GPR137: variants seen among roughly 807,000 people sequenced by gnomAD.
GPR137 encodes the protein G protein-coupled receptor 137.
In GPR137, 20 loss-of-function variants were observed where a neutral mutation model predicts 38.9. The ratio of observed to expected loss-of-function variants is 0.51; its 90% CI spans 0.36 to 0.75. GPR137 has a LOEUF of 0.75. Among genes scored for constraint, GPR137 ranks in the 30% least tolerant of loss-of-function variants. The pLI is 0.00. For missense variants in GPR137, 456 were observed against 526.4 expected (o/e 0.87, Z 1.31); for synonymous variants, 226 against 235.8 (o/e 0.96, Z 0.38).
chr11:64,285,918 T>C lies in GPR137; in HGVS notation c.-607T>C. Reference sequence around the variant, plus strand: ...TGAGCCGGCTCTCCCATCAGCGGCCTGAGGACCTGGCGTCCGCCTCCTCCC... The same window carrying C: ...TGAGCCGGCTCTCCCATCAGCGGCCCGAGGACCTGGCGTCCGCCTCCTCCC... On this transcript the variant is annotated 5_prime_UTR_variant, in exon 1 of 7. Transcript: ENST00000438980. 1 of 966,978 alleles carries C rather than the reference T, an allele frequency of 1.0e-6. No individual in the cohort carries two copies. The highest frequency in any genetic ancestry group is 1.2e-6 in the Non-Finnish European group (1 of 813,330). 59.9% of individuals were successfully genotyped at this position (966,978 alleles called of 1,614,324 possible).
Position 64,288,039 on chromosome 11 carries a change from G to A in GPR137, c.634-26G>A. 6.2e-7 allele frequency: 1 copy of A among 1,607,270 alleles called. No homozygotes were observed. On this transcript the variant is annotated intron_variant, in intron 3 of 6. Coordinates refer to ENST00000438980, the MANE Select transcript of GPR137 (RefSeq NM_001170880.2). The surrounding 1 kb of genome is among the most constrained non-coding windows in gnomAD (Gnocchi z 5.5). The stretch of plus-strand genomic sequence containing the variant: ...GAAGCTGGGAGCCTTCTCTCCCTGA[G>A]GGTCCTCTGTTGTTACCTGTGCCAG...
intron 2 of GPR137, chr11:64,287,417 C>T (rs909923856): frequency 2.7e-6 from 2 of 740,202 alleles, no homozygotes; most frequent in East Asian, 1.3e-4. Flanking sequence ...TGAGAGGCTA[C>T]TATCCTCCCT....
chr11:64,284,312 C>T (rs757378259), upstream of GPR137: 65 of 1,612,438 alleles, frequency 4.0e-5, no homozygotes, highest in Non-Finnish European at 5.5e-5. Flanking sequence ...CCAGGCCCCT[C>T]TCTGCAGAGC....
At chr11:64,279,626 C>A (rs951096035), upstream of GPR137, among the ~76,000 whole-genome samples, 3 of 151,726 alleles carry the variant, frequency 2.0e-5, no homozygotes, top group Admixed American at 2.0e-4. Flanking sequence ...ATTAGCTGGG[C>A]ATGGTGCATG....
At chr11:64,283,524 G>A (rs764849891), upstream of GPR137, among the ~76,000 whole-genome samples, 2 of 152,226 alleles carry the variant, frequency 1.3e-5, no homozygotes, top group Non-Finnish European at 2.9e-5. Context: ...AGGACTGTCT[G>A]CCCCTTGAGG....
upstream of GPR137, among the ~76,000 whole-genome samples, chr11:64,275,236 A>G (rs1195676535): frequency 1.3e-5 from 2 of 151,738 alleles, no homozygotes; most frequent in African/African-American, 4.8e-5. Flanking sequence ...GCTCATGCCT[A>G]TAATCCCAGC....
At chr11:64,276,581 C>T (rs1288486825) in intron 2 of GPR137, among the ~76,000 whole-genome samples, 1 of 152,174 alleles carries the variant, frequency 6.6e-6, no homozygotes, top group African/African-American at 2.4e-5. Context: ...AGTGCCTCGG[C>T]CCCCCAAAGT....
chr11:64,284,319 G>A (rs1405832074), upstream of GPR137: 1 of 1,612,742 alleles, frequency 6.2e-7, no homozygotes, highest in Admixed American at 1.7e-5. Context: ...CCTCTCTGCA[G>A]AGCTGGAGTC....
At chr11:64,281,516 C>A (rs1328263842), upstream of GPR137, among the ~76,000 whole-genome samples, 1 of 152,196 alleles carries the variant, frequency 6.6e-6, no homozygotes, top group African/African-American at 2.4e-5. Flanking sequence ...CTTTAGGTCT[C>A]CAAATACCCT....
At chr11:64,284,497 C>G (rs1157464467), upstream of GPR137, 43 of 1,576,142 alleles carry the variant, frequency 2.7e-5, no homozygotes, top group South Asian at 5.6e-5. Context: ...CGCCAGGCCT[C>G]CTGGGCCCTC....
At chr11:64,274,477 A>G (rs1291837890), upstream of GPR137, among the ~76,000 whole-genome samples, 1 of 152,030 alleles carries the variant, frequency 6.6e-6, no homozygotes, top group East Asian at 1.9e-4. Context: ...ACTTGAGGCC[A>G]GGAGTTCGAG....
chr11:64,276,298 T>TTGTGTGTGTG (rs1555068869), intron 1 of GPR137: 1 of 146,068 alleles, frequency 6.8e-6, no homozygotes, highest in Non-Finnish European at 1.5e-5. Flanking sequence ...GTGTATATAT[T>TTGTGTGTGTG]TGTGTGTGTG....
chr11:64,280,524 T>C (rs2033395407), upstream of GPR137, among the ~76,000 whole-genome samples: 1 of 139,910 alleles, frequency 7.1e-6, no homozygotes, highest in South Asian at 2.4e-4. Context: ...GCTAATTTTT[T>C]GTATTTTTAG....
intron 1 of GPR137, among the ~76,000 whole-genome samples, chr11:64,276,004 G>A (rs1215167754): frequency 6.6e-6 from 1 of 152,136 alleles, no homozygotes; most frequent in African/African-American, 2.4e-5. Context: ...AGCAGAGCTG[G>A]GATCCCAACC....
rs945401079 is a variant in GPR137, at chr11:64,289,297, C to T, written c.*101C>T. 20 of 1,612,934 alleles carry T rather than the reference C, an allele frequency of 1.2e-5. No individual in the cohort carries two copies. Among genetic ancestry groups the T allele is most frequent in the Middle Eastern group, 1.6e-4 (1 of 6,078 alleles). On this transcript the variant is annotated 3_prime_UTR_variant, in exon 7 of 7. Coordinates refer to ENST00000438980, the MANE Select transcript of GPR137 (RefSeq NM_001170880.2). ...GCTTCTTGCCCAGGATCCTGGGGGT[C>T]GTGGCTACCCCCTCCTCTGGCCGGC...
upstream of GPR137, among the ~76,000 whole-genome samples, chr11:64,274,777 C>T (rs1185339321): frequency 6.6e-6 from 1 of 151,688 alleles, no homozygotes; most frequent in African/African-American, 2.4e-5. Context: ...GCCGAGATTG[C>T]ACCACTGCAC....
chr11:64,280,231 A>G (rs932944672), upstream of GPR137, among the ~76,000 whole-genome samples: 2 of 149,914 alleles, frequency 1.3e-5, no homozygotes, highest in Non-Finnish European at 3.0e-5. Flanking sequence ...GAGGCAGGAG[A>G]ATGGCGTGAA....
upstream of GPR137, among the ~76,000 whole-genome samples, chr11:64,280,113 C>T (rs754472473): frequency 1.5e-4 from 23 of 151,386 alleles, no homozygotes; most frequent in Non-Finnish European, 2.8e-4. Flanking sequence ...GTCAGGAGAT[C>T]GAGACCATCC....
upstream of GPR137, chr11:64,271,708 C>A: frequency 6.8e-7 from 1 of 1,472,000 alleles, no homozygotes; most frequent in Non-Finnish European, 9.0e-7. Context: ...CGCGAGCGGC[C>A]CCGAAAGGGG....
Sources: allele counts gnomAD v4.1 joint callset (sites outside exome capture counted in the v4.1 genomes callset), GRCh38; gene constraint gnomAD v4.1.1; non-coding constraint Gnocchi (gnomAD v3.1); transcripts MANE v1.5; gene names NCBI Gene and HGNC (gene_info 2026-07-23, HGNC 2026-07-21).